The following MPHOSPH8 variants were observed in gnomAD, a reference collection of about 807,000 sequenced individuals.
MPHOSPH8 encodes M-phase phosphoprotein 8.
MPHOSPH8 carries 45 observed loss-of-function variants against 87.3 expected under a neutral mutation model. That is an observed-to-expected ratio of 0.52 (90% CI 0.41 to 0.66). The LOEUF is 0.66. MPHOSPH8 is among the 30% of genes least tolerant of loss of function. MPHOSPH8 has a pLI of 0.00. For missense variants in MPHOSPH8, 883 were observed against 1,020.2 expected (o/e 0.87, Z 1.83); for synonymous variants, 366 against 376.9 (o/e 0.97, Z 0.33).
rs762843409 is a variant in MPHOSPH8, at chr13:19,671,896, G to C, written c.*21G>C. 4.3e-6 allele frequency: 7 copies of C among 1,612,100 alleles called. No homozygotes were observed. Among genetic ancestry groups the C allele is most frequent in the Non-Finnish European group, 5.9e-6 (7 of 1,178,334 alleles). Reference sequence around the variant, plus strand: ...AGTGACCAAACAGAAGGGACTGGGCGGAGTTCTCTTCAGACCGATTCCTAT... The same window carrying C: ...AGTGACCAAACAGAAGGGACTGGGCCGAGTTCTCTTCAGACCGATTCCTAT... On this transcript the variant is annotated 3_prime_UTR_variant, in exon 14 of 14. Coordinates refer to ENST00000361479, the MANE Select transcript of MPHOSPH8 (RefSeq NM_017520.4).
At chr13:19,648,045 T>A (rs1478893880) in intron 3 of MPHOSPH8, among the ~76,000 whole-genome samples, 1 of 152,118 alleles carries the variant, frequency 6.6e-6, no homozygotes, top group Non-Finnish European at 1.5e-5. Flanking sequence ...CAAAAATGAA[T>A]TTTAAAAAAG....
At chr13:19,649,878 G>A (rs563398720) in intron 4 of MPHOSPH8, 125 bp from the exon 5 acceptor site, 5 of 866,000 alleles carry the variant, frequency 5.8e-6, no homozygotes, top group Non-Finnish European at 7.0e-6. Context: ...GGCTTTATAA[G>A]CAAGGTAGAT....
In MPHOSPH8 at chr13:19,646,785, T is replaced by G; in HGVS notation, c.712T>G (p.Leu238Val). 6.3e-7 allele frequency: 1 copy of G among 1,578,476 alleles called. No individual in the cohort carries two copies. The highest frequency in any genetic ancestry group is 1.2e-5 in the South Asian group (1 of 84,400). The change falls in exon 3 of 14, where the codon TTA (leucine) becomes GTA (valine). Residue 238 changes from leucine (L) to valine (V), a missense_variant. This residue lies in a region of MPHOSPH8 where 741 missense variants were observed against 841.5 expected (regional missense o/e 0.88). Coordinates refer to ENST00000361479, the MANE Select transcript of MPHOSPH8 (RefSeq NM_017520.4). ...AGTTAAAAAGGGTGAAATAAGAGAT[T>G]TAAAGACGAAAACAAGAGAAGATCC... ...KKVKKGEIRDLKTKTREDPKE... is the reference protein window; with the variant it reads ...KKVKKGEIRDVKTKTREDPKE...
intron 8 of MPHOSPH8, 100 bp downstream of exon 8, chr13:19,661,938 C>T: frequency 1.6e-6 from 2 of 1,262,082 alleles, no homozygotes; most frequent in Non-Finnish European, 1.1e-6. Flanking sequence ...GTCACATGGT[C>T]ACATCGCTTT....
chr13:19,657,511 T>A (rs1593482734), intron 5 of MPHOSPH8, among the ~76,000 whole-genome samples: 1 of 151,012 alleles, frequency 6.6e-6, no homozygotes, highest in Non-Finnish European at 1.5e-5. Context: ...GAGGTTGCAG[T>A]GAGCCGAGAT....
chr13:19,636,754 G>A (rs1441523917), intron 1 of MPHOSPH8, among the ~76,000 whole-genome samples: 1 of 152,138 alleles, frequency 6.6e-6, no homozygotes, highest in African/African-American at 2.4e-5. Context: ...GGGATTTACA[G>A]GTGTGAGCCA....
Position 19,642,636 on chromosome 13 carries a change from G to A in MPHOSPH8, c.369+366G>A, listed in dbSNP as rs984164488. ...TTCTGCATTATTAACTATGTCTTATGCCTGCTTTTTCTGCTAGTTAAAACA... is the reference window on the plus strand; with the variant it reads ...TTCTGCATTATTAACTATGTCTTATACCTGCTTTTTCTGCTAGTTAAAACA... On this transcript the variant is annotated intron_variant, in intron 2 of 13. Coordinates refer to ENST00000361479, the MANE Select transcript of MPHOSPH8 (RefSeq NM_017520.4). 3.3e-5 allele frequency among the ~76,000 whole-genome samples: 5 copies of A among 151,242 alleles called. No individual in the cohort carries two copies. The East Asian group carries it at 5.8e-4, about 18-fold the overall frequency.
chr13:19,636,704 G>T (rs1874028787), intron 1 of MPHOSPH8, among the ~76,000 whole-genome samples: 1 of 151,974 alleles, frequency 6.6e-6, no homozygotes, highest in Non-Finnish European at 1.5e-5. Flanking sequence ...TTGAACTCCT[G>T]GGCTCAAGTG....
intron 2 of MPHOSPH8, 130 bp downstream of exon 2, chr13:19,642,400 A>G: frequency 1.3e-6 from 1 of 784,710 alleles, no homozygotes; most frequent in Non-Finnish European, 1.8e-6. Context: ...AATTCCATGT[A>G]GCCAATTCTC....
At chr13:19,642,022 T>A (rs1874318304) in intron 1 of MPHOSPH8, 93 bp from the exon 2 acceptor site, 3 of 1,121,740 alleles carry the variant, frequency 2.7e-6, no homozygotes. Flanking sequence ...TTTCAAGTTC[T>A]TTCATGTCTT....
chr13:19,657,273 T>G (rs1351600326), intron 5 of MPHOSPH8, among the ~76,000 whole-genome samples: 1 of 151,722 alleles, frequency 6.6e-6, no homozygotes, highest in African/African-American at 2.4e-5. Context: ...CCTAGCAGTT[T>G]GGGAGGCTGA....
chr13:19,650,061 T>A lies in MPHOSPH8; in HGVS notation c.1377T>A (p.Asn459Lys). Residue 459 changes from asparagine (N) to lysine (K), a missense_variant, in exon 5 of 14, where the codon AAT (asparagine) becomes AAA (lysine). Around this residue, in one of 3 missense-constraint regions of MPHOSPH8, gnomAD observed 741 missense variants for 841.5 expected, o/e 0.88. Transcript: ENST00000361479. ...DLFKLTPEEKNDVSENNRKRE... is the reference protein window; with the variant it reads ...DLFKLTPEEKKDVSENNRKRE... ...TTAAATTAACTCCAGAAGAAAAAAA[T>A]GATGTTTCTGAGAATAATCGGAAAA... 6.2e-7 allele frequency: 1 copy of A among 1,609,364 alleles called. No individual in the cohort carries two copies. Among genetic ancestry groups the A allele is most frequent in the Non-Finnish European group, 8.5e-7 (1 of 1,178,110 alleles).
chr13:19,639,077 C>T (rs1226952986), intron 1 of MPHOSPH8, among the ~76,000 whole-genome samples: 3 of 75,610 alleles, frequency 4.0e-5, no homozygotes, highest in Admixed American at 1.6e-4. Flanking sequence ...AGCGAGACTC[C>T]GTCTCAAAAA....
intron 5 of MPHOSPH8, among the ~76,000 whole-genome samples, chr13:19,656,468 AC>A (rs1258018774): frequency 6.6e-6 from 1 of 152,176 alleles, no homozygotes; most frequent in South Asian, 2.1e-4. Flanking sequence ...TTTAAAAGAT[AC>A]AGTTTTCAGG....
chr13:19,649,855 G>A, intron 4 of MPHOSPH8, 148 bp from the exon 5 acceptor site: 1 of 723,018 alleles, frequency 1.4e-6, no homozygotes, highest in Non-Finnish European at 2.2e-6. Flanking sequence ...GGCTTTGACA[G>A]TAAATCAGAC....
intron 4 of MPHOSPH8, among the ~76,000 whole-genome samples, chr13:19,648,836 A>G (rs1874703686): frequency 6.6e-6 from 1 of 152,178 alleles, no homozygotes; most frequent in Non-Finnish European, 1.5e-5. Flanking sequence ...AAGATAGACC[A>G]TAATAGAAAA....
chr13:19,650,672 T>C (rs1874795301), intron 5 of MPHOSPH8, among the ~76,000 whole-genome samples: 1 of 152,150 alleles, frequency 6.6e-6, no homozygotes, highest in Admixed American at 6.5e-5. Flanking sequence ...CTGAGGACAT[T>C]GGAGCTGGTC....
chr13:19,671,332 T>C (rs1220038625), intron 13 of MPHOSPH8, 43 bp downstream of exon 13: 1 of 1,537,714 alleles, frequency 6.5e-7, no homozygotes, highest in Admixed American at 1.7e-5. Flanking sequence ...ACTCAAGTTG[T>C]TGCTCCAGAT....
rs746430788 is a variant in MPHOSPH8 at position 19,646,848 on chromosome 13, G to A, written c.775G>A (p.Glu259Lys). The A allele has an allele frequency of 6.2e-6, 10 of 1,601,230 alleles. No individual in the cohort carries two copies. Among genetic ancestry groups the A allele is most frequent in the South Asian group, 3.4e-5 (3 of 87,360 alleles). ...AAAAACAAAAAAAGAAAAATTTGTC[G>A]AATCCCAGGTGGAATCTGAATCAAG... Reference protein sequence around the residue: ...NRKTKKEKFVESQVESESSVL... With the variant: ...NRKTKKEKFVKSQVESESSVL... Residue 259 changes from glutamate to lysine, a missense_variant, in exon 3 of 14, where the codon GAA (glutamate) becomes AAA (lysine). Around this residue, in one of 3 missense-constraint regions of MPHOSPH8, gnomAD observed 741 missense variants for 841.5 expected, o/e 0.88. Coordinates refer to ENST00000361479, the MANE Select transcript of MPHOSPH8 (RefSeq NM_017520.4).
Sources: gnomAD v4.1 joint callset for allele counts (sites outside exome capture counted in the v4.1 genomes callset) on GRCh38, gnomAD v4.1.1 for gene constraint, gnomAD v4.1.1 regional missense constraint, MANE v1.5 for transcripts, NCBI Gene and HGNC (gene_info 2026-07-23, HGNC 2026-07-21) for gene names.